RIC8A: variants seen among roughly 807,000 people sequenced by gnomAD.
The protein encoded by RIC8A is RIC8 guanine nucleotide exchange factor A.
In RIC8A, 37 loss-of-function variants were observed where a neutral mutation model predicts 48.4. The observed-to-expected ratio is 0.77, with a 90% CI of 0.59 to 1.01. The LOEUF (loss-of-function observed/expected upper bound fraction) is 1.01. RIC8A is among the 50% of genes least tolerant of loss of function. The pLI is 0.00. For missense variants in RIC8A, 681 were observed against 696.8 expected, an observed-to-expected ratio of 0.98 and a Z score of 0.25; for synonymous variants, 288 against 283.4, an observed-to-expected ratio of 1.02 and a Z score of -0.16.
intron 9 of RIC8A, 127 bp downstream of exon 9, chr11:213,545 C>CA (rs1855429725): frequency 7.5e-7 from 1 of 1,329,520 alleles, no homozygotes; most frequent in African/African-American, 1.5e-5. Flanking sequence ...TTGCATTGCT[C>CA]ACGTTTGAAA....
chr11:209,219 G>C, intron 1 of RIC8A, 52 bp from the exon 2 acceptor site: 1 of 1,607,948 alleles, frequency 6.2e-7, no homozygotes, highest in Non-Finnish European at 8.5e-7. Context: ...CCGCATCAGC[G>C]GACGCGGATC....
chr11:212,655 T>A lies in RIC8A; in HGVS notation c.1106T>A (p.Val369Asp), dbSNP rs759890090. The A allele has an allele frequency of 3.7e-6, 6 of 1,613,886 alleles. No individual in the cohort carries two copies. The highest frequency in any genetic ancestry group is 3.3e-4 in the Middle Eastern group (2 of 6,062). The change falls in exon 7 of 10, where the codon GTT becomes GAT. Residue 369 changes from valine to aspartate, a missense_variant. Physicochemically the swap from Val to Asp is radical, Grantham distance 152. Coordinates refer to ENST00000526104, the MANE Select transcript of RIC8A (RefSeq NM_001286134.2). ...CGGGATGTGAGGACACGGCCTGAGG[T>A]TGGGGAGATGCTGCGGAACAAGCTT... ...PLRDVRTRPE[V>D]GEMLRNKLVR...
Position 211,404 on chromosome 11 carries a change from T to G in RIC8A, c.969+55T>G. On this transcript the variant is annotated intron_variant, in intron 5 of 9. Transcript: ENST00000526104. This position sits in a 1 kb window ranked among gnomAD's most constrained non-coding sequence, Gnocchi z 4.0. ...CCAGTGGCTCTGGCACTGGTTCTCC[T>G]GCACAGATGTGGTCAGTGCTTCCAC... 6.4e-7 allele frequency: 1 copy of G among 1,568,386 alleles called. No homozygotes were observed.
In RIC8A at chr11:212,411, T is replaced by C. The variant is rs1855383456; in HGVS notation, c.970-5T>C. On this transcript the variant is annotated splice_region_variant and splice_polypyrimidine_tract_variant and intron_variant, in intron 5 of 9. Coordinates refer to ENST00000526104, the MANE Select transcript of RIC8A (RefSeq NM_001286134.2). ...ATAGCCCCAGTGACAGAGAATCCTC[T>C]ACAGACACACAGGCTGAAGGAGAGT... The C allele has an allele frequency of 1.2e-6, 2 of 1,613,446 alleles. No homozygotes were observed. Among genetic ancestry groups the C allele is most frequent in the Middle Eastern group, 1.7e-4 (1 of 6,054 alleles).
intron 4 of RIC8A, chr11:210,927 G>C (rs1445836379): frequency 3.3e-6 from 2 of 604,622 alleles, no homozygotes; most frequent in Non-Finnish European, 5.8e-6. Context: ...CCCTAGGCTG[G>C]TCTGGGTTTC....
At chr11:210,260 C>A in intron 3 of RIC8A, 1 of 669,214 alleles carries the variant, frequency 1.5e-6, no homozygotes, top group South Asian at 1.6e-5. Context: ...TGTAAGAGAT[C>A]CTCCACCATG....
intron 3 of RIC8A, 21 bp downstream of exon 3, chr11:210,021 A>C: frequency 1.9e-6 from 3 of 1,548,902 alleles, no homozygotes; most frequent in Non-Finnish European, 2.6e-6. Flanking sequence ...ACCTTAACCC[A>C]TGGATGGGTC....
rs1855387465 is a variant in RIC8A at position 212,499 on chromosome 11, C to T, written c.1053C>T (p.Phe351=). The T allele has an allele frequency of 6.2e-7, 1 of 1,613,708 alleles. No individual in the cohort carries two copies. Among genetic ancestry groups the T allele is most frequent in the Non-Finnish European group, 8.5e-7 (1 of 1,179,902 alleles). ...GGATGCACCGCCCAGCCAGGAAGTT[C>T]CTGAAGGCCCAGGTATAAGGCTGAG... ...CARMHRPARK[F]LKAQVLPPLR... Residue 351 remains phenylalanine, a synonymous_variant, in exon 6 of 10, where the codon TTC becomes TTT. Coordinates refer to ENST00000526104, the MANE Select transcript of RIC8A (RefSeq NM_001286134.2).
At chr11:210,750 A>T in intron 4 of RIC8A, 88 bp downstream of exon 4, 1 of 1,218,348 alleles carries the variant, frequency 8.2e-7, no homozygotes, top group Admixed American at 1.7e-5. Flanking sequence ...GAACCACCTG[A>T]GAGCCCAGGC....
In RIC8A at chr11:212,370, C is replaced by A. The variant is rs372843068; in HGVS notation, c.970-46C>A. ...GGGAGGTGTAACTCTGTGCCAGTCACAAGTTAGGCAGGGGCATAGCCCCAG... is the reference window on the plus strand; with the variant it reads ...GGGAGGTGTAACTCTGTGCCAGTCAAAAGTTAGGCAGGGGCATAGCCCCAG... On this transcript the variant is annotated intron_variant, in intron 5 of 9. Transcript: ENST00000526104. 3.2e-6 allele frequency: 5 copies of A among 1,581,392 alleles called. No homozygotes were observed. In the African/African-American group the frequency reaches 6.8e-5, roughly 21 times the overall value.
At position 208,886 on chromosome 11, in the gene RIC8A, A is replaced by T. The variant is rs1407641167; in HGVS notation, c.32A>T (p.Glu11Val). Residue 11 changes from glutamate (E) to valine (V), a missense_variant, in exon 1 of 10, where the codon GAG becomes GTG. Glu to Val is a moderately radical substitution (Grantham distance 121). Coordinates refer to ENST00000526104, the MANE Select transcript of RIC8A (RefSeq NM_001286134.2). The surrounding 1 kb of genome is among the most constrained non-coding windows in gnomAD (Gnocchi z 4.8). ...CCCCGGGCGGTTGCAGAAGCCGTGG[A>T]GACGGGTGAGGAGGATGTGATTATG... MEPRAVAEAVETGEEDVIMEA... is the reference protein window; with the variant it reads MEPRAVAEAVVTGEEDVIMEA... 1 of 1,610,410 alleles carries T rather than the reference A, an allele frequency of 6.2e-7. No individual in the cohort carries two copies. The highest frequency in any genetic ancestry group is 1.1e-5 in the South Asian group (1 of 90,792).
Position 210,652 on chromosome 11 carries a change from G to A in RIC8A, c.808G>A (p.Glu270Lys). The change falls in exon 4 of 10, where the codon GAG (glutamate) becomes AAG (lysine). Residue 270 changes from glutamate (E) to lysine (K), a missense_variant. Transcript: ENST00000526104. ...CGCTACTGCTGGAGACCGCACAGAG[G>A]AGTTCCACGGGTGAGAATGGGGCTT... ...MIATAGDRTE[E>K]FHGHAVNLLG... 1 of 1,614,124 alleles carries A rather than the reference G, an allele frequency of 6.2e-7. No individual in the cohort carries two copies. The highest frequency in any genetic ancestry group is 8.5e-7 in the Non-Finnish European group (1 of 1,180,008).
chr11:214,159 C>T (rs768358117), intron 9 of RIC8A, 71 bp from the exon 10 acceptor site: 6 of 1,542,864 alleles, frequency 3.9e-6, no homozygotes, highest in Non-Finnish European at 5.3e-6. Context: ...AGGTAGCAGC[C>T]ACGGGTGAGT....
rs201428218 is a variant in RIC8A at position 214,300 on chromosome 11, G to A, written c.1546G>A (p.Glu516Lys). ...TACGTCCCTGCAGGATGCCATGTGCGAGACTATGGAGCAGCAGCTCTCCTC... is the reference window on the plus strand; with the variant it reads ...TACGTCCCTGCAGGATGCCATGTGCAAGACTATGGAGCAGCAGCTCTCCTC... ...HLTSLQDAMC[E>K]TMEQQLSSDP... Residue 516 changes from glutamate (E) to lysine (K), a missense_variant, in exon 10 of 10, where the codon GAG (glutamate) becomes AAG (lysine). Transcript: ENST00000526104. 180 of 1,613,140 alleles carry A rather than the reference G, an allele frequency of 1.1e-4. 1 individual carries two copies. Among genetic ancestry groups the A allele is most frequent in the Middle Eastern group, 5.0e-4 (3 of 6,060 alleles).
chr11:212,201 A>G, intron 5 of RIC8A: 2 of 575,704 alleles, frequency 3.5e-6, no homozygotes, highest in Non-Finnish European at 6.2e-6. Context: ...CCTCTGAGTT[A>G]CGCTCTATCC....
chr11:209,222 C>T, intron 1 of RIC8A, 49 bp from the exon 2 acceptor site: 8 of 1,609,064 alleles, frequency 5.0e-6, no homozygotes, highest in Non-Finnish European at 6.8e-6. Context: ...CATCAGCGGA[C>T]GCGGATCCTA....
chr11:210,775 T>G, intron 4 of RIC8A, 113 bp downstream of exon 4: 1 of 942,058 alleles, frequency 1.1e-6, no homozygotes, highest in Non-Finnish European at 1.7e-6. Context: ...CCCTAGAGAG[T>G]CTGACGTTGT....
Position 212,645 on chromosome 11 carries a change from C to A in RIC8A, c.1096C>A (p.Arg366=). The A allele has an allele frequency of 1.9e-6, 3 of 1,614,056 alleles. No individual in the cohort carries two copies. Among genetic ancestry groups the A allele is most frequent in the Non-Finnish European group, 2.5e-6 (3 of 1,180,010 alleles). ...VLPPLRDVRT[R]PEVGEMLRNK... Reference sequence around the variant, plus strand: ...GCCCCCTCTGCGGGATGTGAGGACACGGCCTGAGGTTGGGGAGATGCTGCG... The same window carrying A: ...GCCCCCTCTGCGGGATGTGAGGACAAGGCCTGAGGTTGGGGAGATGCTGCG... Residue 366 remains arginine, a synonymous_variant, in exon 7 of 10, where the codon CGG becomes AGG. Transcript: ENST00000526104.
intron 8 of RIC8A, 111 bp from the exon 9 acceptor site, chr11:213,188 C>G: frequency 6.7e-7 from 1 of 1,502,978 alleles, no homozygotes; most frequent in Non-Finnish European, 9.0e-7. Flanking sequence ...GGAGGGAGGC[C>G]TCTTCCTGCA....
Sources: gnomAD v4.1 joint callset for allele counts on GRCh38, gnomAD v4.1.1 for gene constraint, Gnocchi (gnomAD v3.1) non-coding constraint, MANE v1.5 for transcripts, NCBI Gene and HGNC (gene_info 2026-07-23, HGNC 2026-07-21) for gene names.